Variants in ANGPT1 observed in about 807,000 individuals in gnomAD.
The protein encoded by ANGPT1 is angiopoietin-1.
Under a neutral mutation model 62.2 loss-of-function variants are expected in ANGPT1, and 17 were observed. That is an observed-to-expected ratio of 0.27 (90% CI 0.19 to 0.41). ANGPT1 has a LOEUF of 0.41. ANGPT1 is among the 10% of genes least tolerant of loss of function. The probability of loss-of-function intolerance (pLI) is 1.00; values close to 1 mark genes in which losing one functional copy is unlikely to be tolerated. For synonymous variants in ANGPT1, 199 were observed against 198.9 expected (o/e 1.00, Z 0.00); for missense variants, 478 against 594.9 (o/e 0.80, Z 2.04).
chr8:107,254,059 A>G (rs1490625480), intron 8 of ANGPT1, among the ~76,000 whole-genome samples: 1 of 152,112 alleles, frequency 6.6e-6, no homozygotes, highest in Non-Finnish European at 1.5e-5. Flanking sequence ...TGGTTTGTAT[A>G]TTGGCCCATC....
At chr8:107,331,779 C>A (rs958971615) in intron 3 of ANGPT1, among the ~76,000 whole-genome samples, 1 of 152,274 alleles carries the variant, frequency 6.6e-6, no homozygotes, top group Non-Finnish European at 1.5e-5. Context: ...GAATGGCCAT[C>A]ACATGTCTCG....
chr8:107,279,423 T>A lies in ANGPT1; in HGVS notation c.1205+5259A>T, dbSNP rs865858187. Among the ~76,000 whole-genome samples, 16 of 152,302 alleles carry A rather than the reference T, an allele frequency of 1.1e-4. No individual in the cohort carries two copies. The South Asian group carries it at 3.3e-3, about 32-fold the overall frequency. On this transcript the variant is annotated intron_variant, in intron 7 of 8. Coordinates refer to ENST00000517746, the MANE Select transcript of ANGPT1 (RefSeq NM_001146.5). ...GGTTAGAATAAACATATACTATATC[T>A]TAGAGTATGTGTTTTGGGTTTATTT... is the stretch of plus-strand genomic sequence containing the variant.
At chr8:107,264,795 C>A (rs2130039302) in intron 7 of ANGPT1, among the ~76,000 whole-genome samples, 1 of 152,204 alleles carries the variant, frequency 6.6e-6, no homozygotes, top group East Asian at 1.9e-4. Context: ...TAAATGATTT[C>A]CAGTGTTTAT....
intron 1 of ANGPT1, among the ~76,000 whole-genome samples, chr8:107,473,180 A>G (rs1812408033): frequency 6.6e-6 from 1 of 152,068 alleles, no homozygotes; most frequent in Non-Finnish European, 1.5e-5. Context: ...ATGTAACAAA[A>G]CCATTATTCT....
At chr8:107,278,078 C>CTT (rs780803754) in intron 7 of ANGPT1, among the ~76,000 whole-genome samples, 3 of 140,446 alleles carry the variant, frequency 2.1e-5, no homozygotes, top group Non-Finnish European at 4.7e-5. Flanking sequence ...CTTTTCTTTT[C>CTT]TTTTTTTTTT....
chr8:107,441,367 C>T (rs1247224456), intron 1 of ANGPT1, among the ~76,000 whole-genome samples: 1 of 152,166 alleles, frequency 6.6e-6, no homozygotes, highest in African/African-American at 2.4e-5. Context: ...GCCTGGTAAT[C>T]TTTTCAATAT....
At chr8:107,413,584 GTAT>G (rs971665679) in intron 1 of ANGPT1, among the ~76,000 whole-genome samples, 3 of 148,610 alleles carry the variant, frequency 2.0e-5, no homozygotes, top group South Asian at 2.1e-4. Context: ...AAAATATTTG[GTAT>G]TATTTAAATT....
chr8:107,473,018 G>A (rs1374522909), intron 1 of ANGPT1, among the ~76,000 whole-genome samples: 2 of 152,002 alleles, frequency 1.3e-5, no homozygotes, highest in Non-Finnish European at 2.9e-5. Flanking sequence ...CAATTCTCCA[G>A]GGGTTGTGGT....
chr8:107,371,984 T>C (rs2130246513), intron 1 of ANGPT1, among the ~76,000 whole-genome samples: 1 of 152,252 alleles, frequency 6.6e-6, no homozygotes, highest in South Asian at 2.1e-4. Context: ...ATTTTATCAT[T>C]GAAAATATAT....
chr8:107,382,900 C>T (rs1816666471), intron 1 of ANGPT1, among the ~76,000 whole-genome samples: 1 of 152,138 alleles, frequency 6.6e-6, no homozygotes. Context: ...TCAATCTGAA[C>T]AACGATAAAT....
chr8:107,393,101 T>C (rs1268202750), intron 1 of ANGPT1, among the ~76,000 whole-genome samples: 1 of 152,328 alleles, frequency 6.6e-6, no homozygotes, highest in African/African-American at 2.4e-5. Flanking sequence ...TCAGAAACTA[T>C]ACAATTTTCA....
intron 7 of ANGPT1, among the ~76,000 whole-genome samples, chr8:107,274,176 G>A (rs1251800326): frequency 6.6e-6 from 1 of 152,034 alleles, no homozygotes; most frequent in African/African-American, 2.4e-5. Flanking sequence ...CTTAACCCAG[G>A]ATAAGAATCT....
At chr8:107,444,160 T>C (rs1004551774) in intron 1 of ANGPT1, among the ~76,000 whole-genome samples, 46 of 152,316 alleles carry the variant, frequency 3.0e-4, no homozygotes, top group Non-Finnish European at 5.7e-4. Flanking sequence ...CAGTGCTTAA[T>C]GCCAAACAAA....
intron 1 of ANGPT1, among the ~76,000 whole-genome samples, chr8:107,450,477 C>T (rs1006264913): frequency 7.2e-5 from 11 of 151,898 alleles, no homozygotes; most frequent in Non-Finnish European, 1.3e-4. Flanking sequence ...CTTTATAAAT[C>T]ACTGTGTGGT....
chr8:107,391,194 T>C (rs768806340), intron 1 of ANGPT1, among the ~76,000 whole-genome samples: 7 of 152,186 alleles, frequency 4.6e-5, no homozygotes, highest in Non-Finnish European at 8.8e-5. Flanking sequence ...TATTTTCACA[T>C]CTCTGGTTCC....
At chr8:107,450,333 T>A (rs1173419424) in intron 1 of ANGPT1, among the ~76,000 whole-genome samples, 1 of 152,064 alleles carries the variant, frequency 6.6e-6, no homozygotes, top group Non-Finnish European at 1.5e-5. Flanking sequence ...TCTAGCTTCC[T>A]GTAGTAGAGT....
At chr8:107,394,310 A>G (rs1256595017) in intron 1 of ANGPT1, among the ~76,000 whole-genome samples, 1 of 152,216 alleles carries the variant, frequency 6.6e-6, no homozygotes, top group Non-Finnish European at 1.5e-5. Context: ...GACTCTTACT[A>G]GAATATACAA....
At chr8:107,282,172 A>C (rs1036484112) in intron 7 of ANGPT1, among the ~76,000 whole-genome samples, 1 of 151,956 alleles carries the variant, frequency 6.6e-6, no homozygotes, top group African/African-American at 2.4e-5. Context: ...TCACCAGAGT[A>C]AGCATTATGT....
chr8:107,311,908 C>T (rs888482040), intron 4 of ANGPT1, among the ~76,000 whole-genome samples: 2 of 151,740 alleles, frequency 1.3e-5, no homozygotes, highest in African/African-American at 4.8e-5. Flanking sequence ...ACTAAAAATA[C>T]AAAAAATTAG....
Sources: gnomAD v4.1 joint callset for allele counts (sites outside exome capture counted in the v4.1 genomes callset) on GRCh38, gnomAD v4.1.1 for gene constraint, MANE v1.5 for transcripts, NCBI Gene and HGNC (gene_info 2026-07-23, HGNC 2026-07-21) for gene names.